CNTN5: variants seen among roughly 807,000 people sequenced by gnomAD.
The protein encoded by CNTN5 is contactin 5.
Under a neutral mutation model 129.1 loss-of-function variants are expected in CNTN5, and 77 were observed. The observed-to-expected ratio is 0.60, with a 90% confidence interval of 0.50 to 0.72. The LOEUF (loss-of-function observed/expected upper bound fraction) is 0.72, where lower values mean the gene tolerates loss of function less well. Among genes scored for constraint, CNTN5 ranks in the 30% least tolerant of loss-of-function variants. CNTN5 has a pLI of 0.00. For synonymous variants in CNTN5, 509 were observed against 465.6 expected (o/e 1.09, Z -1.20); for missense variants, 1,478 against 1,328.8 (o/e 1.11, Z -1.75).
At chr11:99,284,600 G>GGTGTGTGTGT (rs71046675) in intron 1 of CNTN5, among the ~76,000 whole-genome samples, 5 of 124,750 alleles carry the variant, frequency 4.0e-5, no homozygotes, top group South Asian at 2.9e-4. Context: ...AGAGATGAGT[G>GGTGTGTGTGT]GTGTGTGTGT....
chr11:100,087,327 G>A (rs1272190213), intron 13 of CNTN5, among the ~76,000 whole-genome samples: 4 of 151,708 alleles, frequency 2.6e-5, no homozygotes, highest in Non-Finnish European at 4.4e-5. Flanking sequence ...TATTAAATTA[G>A]TAGTTAAAAA....
chr11:100,351,599 G>A (rs1430638714), intron 24 of CNTN5, among the ~76,000 whole-genome samples: 1 of 136,690 alleles, frequency 7.3e-6, no homozygotes, highest in Non-Finnish European at 1.5e-5. Context: ...AGGGAAAACT[G>A]ATTAAAGGAA....
At chr11:99,092,389 G>A (rs1866288008) in intron 1 of CNTN5, among the ~76,000 whole-genome samples, 1 of 152,012 alleles carries the variant, frequency 6.6e-6, no homozygotes, top group African/African-American at 2.4e-5. Context: ...TATGACAACA[G>A]TAGTTACATC....
chr11:99,469,544 A>G (rs1177556121), intron 2 of CNTN5, among the ~76,000 whole-genome samples: 1 of 152,066 alleles, frequency 6.6e-6, no homozygotes, highest in Non-Finnish European at 1.5e-5. Context: ...ATAATATTTT[A>G]TAGCTCTGAT....
intron 1 of CNTN5, among the ~76,000 whole-genome samples, chr11:99,316,519 T>C (rs1235939877): frequency 1.3e-5 from 2 of 152,124 alleles, no homozygotes; most frequent in African/African-American, 4.8e-5. Flanking sequence ...AATAAACATT[T>C]AGGTGTTGTA....
chr11:99,261,105 TC>T (rs1380778417), intron 1 of CNTN5, among the ~76,000 whole-genome samples: 1 of 151,942 alleles, frequency 6.6e-6, no homozygotes, highest in African/African-American at 2.4e-5. Context: ...AAAAATGCAG[TC>T]CTAAAATACA....
chr11:100,265,312 G>C (rs1240041257), intron 17 of CNTN5, among the ~76,000 whole-genome samples: 1 of 152,104 alleles, frequency 6.6e-6, no homozygotes, highest in East Asian at 1.9e-4. Flanking sequence ...TGTCCTCAGG[G>C]AAAGCCTGAT....
At chr11:99,486,755 A>G (rs1945831553) in intron 2 of CNTN5, among the ~76,000 whole-genome samples, 2 of 152,186 alleles carry the variant, frequency 1.3e-5, no homozygotes, top group African/African-American at 2.4e-5. Flanking sequence ...CTTCAAAAGC[A>G]TTACTTTGAT....
At chr11:99,641,975 G>A (rs1200811705) in intron 3 of CNTN5, among the ~76,000 whole-genome samples, 1 of 152,184 alleles carries the variant, frequency 6.6e-6, no homozygotes, top group Non-Finnish European at 1.5e-5. Flanking sequence ...AAGCAGGGAA[G>A]CATGTGACCT....
intron 3 of CNTN5, among the ~76,000 whole-genome samples, chr11:99,627,367 CA>C (rs1392671837): frequency 2.6e-5 from 4 of 151,990 alleles, no homozygotes; most frequent in Admixed American, 2.0e-4. Flanking sequence ...ACTTCTGTTA[CA>C]AAAACTATTC....
chr11:99,125,273 T>G (rs1338992395), intron 1 of CNTN5, among the ~76,000 whole-genome samples: 1 of 152,004 alleles, frequency 6.6e-6, no homozygotes, highest in African/African-American at 2.4e-5. Context: ...TCAAGTAGAC[T>G]TCATTCCTGG....
Position 99,908,684 on chromosome 11 carries a change from T to C in CNTN5, c.578-7370T>C, listed in dbSNP as rs556680272. 3.3e-5 allele frequency among the ~76,000 whole-genome samples: 5 copies of C among 152,188 alleles called. No individual in the cohort carries two copies. In the South Asian group the frequency reaches 1.0e-3, roughly 31 times the overall value. ...ATTGTAGATTAGTTATCATTTGTATTATTCAGTGTTGAAGTAGCTTTTTGT... is the reference window on the plus strand; with the variant it reads ...ATTGTAGATTAGTTATCATTTGTATCATTCAGTGTTGAAGTAGCTTTTTGT... On this transcript the variant is annotated intron_variant, in intron 6 of 24. Transcript: ENST00000524871.
chr11:100,314,804 C>T (rs1951545750), intron 21 of CNTN5, among the ~76,000 whole-genome samples: 1 of 152,148 alleles, frequency 6.6e-6, no homozygotes, highest in Non-Finnish European at 1.5e-5. Context: ...GCAGGTTCTC[C>T]TGATTTGGCT....
intron 6 of CNTN5, among the ~76,000 whole-genome samples, chr11:99,870,438 A>G (rs1483459695): frequency 1.3e-5 from 2 of 152,164 alleles, no homozygotes; most frequent in African/African-American, 4.8e-5. Flanking sequence ...TAGGCCATGT[A>G]TGGATATAAA....
chr11:100,229,464 A>G (rs1012208656), intron 16 of CNTN5, among the ~76,000 whole-genome samples: 2 of 152,034 alleles, frequency 1.3e-5, no homozygotes, highest in African/African-American at 4.8e-5. Context: ...TTTTACCTGG[A>G]TAGAAACTAA....
At chr11:99,806,524 A>T (rs1045615919) in intron 3 of CNTN5, among the ~76,000 whole-genome samples, 6 of 152,062 alleles carry the variant, frequency 3.9e-5, no homozygotes, top group Non-Finnish European at 7.4e-5. Context: ...AAAAGACAAA[A>T]TAGGTCGTGT....
intron 11 of CNTN5, among the ~76,000 whole-genome samples, chr11:100,071,474 C>G (rs1943920848): frequency 1.3e-5 from 2 of 152,052 alleles, no homozygotes; most frequent in South Asian, 4.1e-4. Flanking sequence ...TAAAACTTGT[C>G]AGAATAACTA....
chr11:99,571,144 A>G (rs957437114), intron 3 of CNTN5, among the ~76,000 whole-genome samples: 2 of 152,224 alleles, frequency 1.3e-5, no homozygotes, highest in East Asian at 1.9e-4. Flanking sequence ...TGGAAAACCA[A>G]CTGTCCAGCT....
intron 13 of CNTN5, among the ~76,000 whole-genome samples, chr11:100,164,261 T>G (rs7129316): frequency 1.3e-5 from 2 of 151,842 alleles, no homozygotes; most frequent in Non-Finnish European, 1.5e-5. Context: ...TAGAAGGAGA[T>G]GACAAAGTGT....
Sources: allele counts gnomAD v4.1 joint callset (sites outside exome capture counted in the v4.1 genomes callset), GRCh38; gene constraint gnomAD v4.1.1; transcripts MANE v1.5; gene names NCBI Gene and HGNC (gene_info 2026-07-23, HGNC 2026-07-21).